DNAH9: variants seen among roughly 807,000 people sequenced by gnomAD.
The protein encoded by DNAH9 is DNAH9 variant protein.
Under a neutral mutation model 471.6 loss-of-function variants are expected in DNAH9, and 345 were observed. That is an observed-to-expected ratio of 0.73 (90% CI 0.67 to 0.80). The LOEUF (loss-of-function observed/expected upper bound fraction) is 0.80, where lower values mean the gene tolerates loss of function less well. Among genes scored for constraint, DNAH9 ranks in the 30% least tolerant of loss-of-function variants. The pLI, the probability that DNAH9 is intolerant of heterozygous loss-of-function variation, is 0.00. For missense variants in DNAH9, 5,407 were observed against 5,609.2 expected, an observed-to-expected ratio of 0.96 and a Z score of 1.15; for synonymous variants, 2,093 against 2,123.6, an observed-to-expected ratio of 0.99 and a Z score of 0.40.
chr17:11,764,807 G>A (rs1458227708), intron 36 of DNAH9, among the ~76,000 whole-genome samples: 1 of 152,152 alleles, frequency 6.6e-6, no homozygotes, highest in Non-Finnish European at 1.5e-5. Context: ...GAGCATGGAA[G>A]GGAACTTTGA....
At chr17:11,925,660 C>T (rs1288465883) in intron 62 of DNAH9, among the ~76,000 whole-genome samples, 2 of 152,154 alleles carry the variant, frequency 1.3e-5, no homozygotes, top group East Asian at 3.9e-4. Flanking sequence ...GCCTCTGCTG[C>T]CCCCGTTGTC....
intron 61 of DNAH9, among the ~76,000 whole-genome samples, chr17:11,906,663 T>C (rs1973613314): frequency 6.6e-6 from 1 of 150,400 alleles, no homozygotes. Flanking sequence ...GTGATACATA[T>C]ATACCATGGA....
chr17:11,934,118 G>A (rs372243471), intron 65 of DNAH9, 47 bp downstream of exon 65: 5 of 1,571,612 alleles, frequency 3.2e-6, no homozygotes, highest in East Asian at 2.2e-5. Flanking sequence ...TGCTCACAGG[G>A]CCCTGGGTAT....
chr17:11,834,977 T>A, intron 49 of DNAH9, 79 bp downstream of exon 49: 2 of 1,530,420 alleles, frequency 1.3e-6, no homozygotes, highest in Non-Finnish European at 1.8e-6. Context: ...TCCCAAGAGA[T>A]GCAAGGACAA....
chr17:11,826,120 C>G (rs1294429588), intron 48 of DNAH9, among the ~76,000 whole-genome samples: 1 of 152,166 alleles, frequency 6.6e-6, no homozygotes, highest in African/African-American at 2.4e-5. Flanking sequence ...TGCAATCTGT[C>G]TTTATTGTTA....
rs994956358 is a variant in DNAH9, at chr17:11,738,920, G to A, written c.5855G>A (p.Trp1952Ter). ...IQDAIRDKKQ[W>*]FSFLGEEISL... is the part of the protein sequence containing the mutation. ...GATGCGATTAGAGATAAGAAGCAGT[G>A]GTTCAGCTTCCTTGGGGAGGAGATC... Residue 1952 changes from tryptophan to a stop codon, truncating the protein, a stop_gained, in exon 29 of 69, where the codon TGG becomes TAG. Coordinates refer to ENST00000262442, the MANE Select transcript of DNAH9 (RefSeq NM_001372.4). LOFTEE classifies it high-confidence loss of function. 4 of 1,613,952 alleles carry A rather than the reference G, an allele frequency of 2.5e-6. No homozygotes were observed. Among genetic ancestry groups the A allele is most frequent in the African/African-American group, 2.7e-5 (2 of 74,932 alleles).
chr17:11,843,859 G>GTATATATATATATATATATATATA (rs1490566898), intron 49 of DNAH9, among the ~76,000 whole-genome samples: 7 of 47,008 alleles, frequency 1.5e-4, no homozygotes, highest in Admixed American at 3.3e-4. Context: ...GTGTGTGTGT[G>GTATATATATATATATATATATATA]TGTGTATATA....
intron 55 of DNAH9, chr17:11,883,169 TTAAG>T: frequency 1.0e-6 from 1 of 990,828 alleles, no homozygotes; most frequent in Non-Finnish European, 1.2e-6. Context: ...TGATTTTTTT[TTAAG>T]TAAGCCATAG....
intron 9 of DNAH9, 101 bp downstream of exon 9, chr17:11,636,885 A>G (rs1474411219): frequency 3.6e-6 from 4 of 1,111,138 alleles, no homozygotes; most frequent in Non-Finnish European, 5.3e-6. Flanking sequence ...GGATCCATAC[A>G]TTCTCAAAAA....
At chr17:11,870,456 C>T (rs780122932) in intron 51 of DNAH9, among the ~76,000 whole-genome samples, 1 of 152,190 alleles carries the variant, frequency 6.6e-6, no homozygotes, top group South Asian at 2.1e-4. Context: ...AATTACACAG[C>T]AGAGCCAGAT....
At chr17:11,714,718 A>C (rs749453349) in intron 26 of DNAH9, among the ~76,000 whole-genome samples, 9 of 152,218 alleles carry the variant, frequency 5.9e-5, no homozygotes, top group Non-Finnish European at 1.2e-4. Flanking sequence ...CCCAGCCAGC[A>C]GAAGGGGAAG....
intron 3 of DNAH9, 117 bp downstream of exon 3, chr17:11,610,671 A>G (rs1298013717): frequency 2.2e-6 from 2 of 925,936 alleles, no homozygotes; most frequent in East Asian, 5.3e-5. Flanking sequence ...GGTATTTCAC[A>G]TCATCAGTGG....
At chr17:11,611,286 T>C (rs1442278905) in intron 3 of DNAH9, among the ~76,000 whole-genome samples, 1 of 152,224 alleles carries the variant, frequency 6.6e-6, no homozygotes, top group East Asian at 1.9e-4. Context: ...CTTGCCTGGC[T>C]TCTGACCATT....
rs749328839 is a variant in DNAH9, at chr17:11,942,297, G to A, written c.12661-6G>A. ...TCTTAACGCTGTGTTTCCTTCTGTG[G>A]GGCAGGTCAAGGCACTTCTGGAAGA... On this transcript the variant is annotated splice_polypyrimidine_tract_variant and splice_region_variant and intron_variant, in intron 66 of 68. Transcript: ENST00000262442. The A allele has an allele frequency of 3.1e-6, 5 of 1,613,230 alleles. No homozygotes were observed. Among genetic ancestry groups the A allele is most frequent in the Non-Finnish European group, 4.2e-6 (5 of 1,179,428 alleles).
intron 49 of DNAH9, among the ~76,000 whole-genome samples, chr17:11,846,788 T>C (rs1971239987): frequency 1.4e-5 from 2 of 139,100 alleles, no homozygotes; most frequent in African/African-American, 2.7e-5. Context: ...AGTTCACTCA[T>C]GATTTGGCTC....
In DNAH9 at chr17:11,932,178, C is replaced by G; in HGVS notation, c.12270C>G (p.Leu4090=). The G allele has an allele frequency of 1.9e-6, 3 of 1,614,080 alleles. No homozygotes were observed. The highest frequency in any genetic ancestry group is 2.5e-6 in the Non-Finnish European group (3 of 1,179,992). The stretch of plus-strand genomic sequence containing the variant: ...ACCTCACTATCTCTGTGAATGTCCT[C>G]TACAACTTCCTGGAGGCCAACGCAA... The part of the protein sequence containing the change: ...TGDLTISVNV[L]YNFLEANAKV... The change falls in exon 64 of 69, where the codon CTC becomes CTG. Residue 4090 remains leucine (L), a synonymous_variant. Transcript: ENST00000262442. The surrounding 1 kb of genome is among the most constrained non-coding windows in gnomAD (Gnocchi z 4.3).
intron 67 of DNAH9, among the ~76,000 whole-genome samples, chr17:11,943,535 G>A (rs1975012683): frequency 6.6e-6 from 1 of 152,060 alleles, no homozygotes; most frequent in Non-Finnish European, 1.5e-5. Flanking sequence ...AAATTAGCCA[G>A]GCGTGGCGGT....
In DNAH9 at chr17:11,797,670, C is replaced by A; in HGVS notation, c.8297C>A (p.Pro2766His). Reference protein sequence around the residue: ...YCHFANGIGEPKYMPVQSWEL... With the variant: ...YCHFANGIGEHKYMPVQSWEL... ...CACTTTGCAAATGGTATTGGGGAGCCCAAATACATGCCTGTACAGTCTTGG... is the reference window on the plus strand; with the variant it reads ...CACTTTGCAAATGGTATTGGGGAGCACAAATACATGCCTGTACAGTCTTGG... Residue 2766 changes from proline to histidine, a missense_variant, in exon 43 of 69, where the codon CCC (proline) becomes CAC (histidine). By Grantham distance (77) the Pro-to-His change is moderately conservative. Transcript: ENST00000262442. 2 of 1,614,168 alleles carry A rather than the reference C, an allele frequency of 1.2e-6. No homozygotes were observed. The highest frequency in any genetic ancestry group is 8.5e-7 in the Non-Finnish European group (1 of 1,180,036).
chr17:11,800,772 G>A lies in DNAH9; in HGVS notation c.8420+2979G>A, dbSNP rs112971600. Among the ~76,000 whole-genome samples, 88 of 152,250 alleles carry A rather than the reference G, an allele frequency of 5.8e-4. 1 individual carries two copies. The East Asian group carries it at 7.7e-3, about 13-fold the overall frequency. ...GTCAATGATTAACCTCTGTCTGTTTGCATCATCCACTCATCCAACATATAT... is the reference window on the plus strand; with the variant it reads ...GTCAATGATTAACCTCTGTCTGTTTACATCATCCACTCATCCAACATATAT... On this transcript the variant is annotated intron_variant, in intron 43 of 68. Transcript: ENST00000262442.
Sources: allele counts gnomAD v4.1 joint callset (sites outside exome capture counted in the v4.1 genomes callset), GRCh38; gene constraint gnomAD v4.1.1; non-coding constraint Gnocchi (gnomAD v3.1); transcripts MANE v1.5; gene names NCBI Gene and HGNC (gene_info 2026-07-23, HGNC 2026-07-21).